CENPT: variants seen among roughly 807,000 people sequenced by gnomAD.
CENPT encodes centromere protein T, also known as interphase centromere complex protein 22.
CENPT carries 42 observed loss-of-function variants against 59.7 expected under a neutral mutation model. That is an observed-to-expected ratio of 0.70 (90% CI 0.55 to 0.91). The LOEUF is 0.91. CENPT is among the 40% of genes least tolerant of loss of function. The pLI, the probability that CENPT is intolerant of heterozygous loss-of-function variation, is 0.00. For synonymous variants in CENPT, 295 were observed against 289.6 expected, an observed-to-expected ratio of 1.02 and a Z score of -0.19; for missense variants, 716 against 713.4, an observed-to-expected ratio of 1.00 and a Z score of -0.04.
chr16:67,831,485 G>GT lies in CENPT; in HGVS notation c.560+90dup. Reference sequence around the variant, plus strand: ...GCTGTGAGGCTAAAACTGGTAGGAAGTAGTATGGGCAGATTCCATCCCAGG... The same window carrying GT: ...GCTGTGAGGCTAAAACTGGTAGGAAGTTAGTATGGGCAGATTCCATCCCAGG... On this transcript the variant is annotated intron_variant, in intron 9 of 15. Transcript: ENST00000562787. The GT allele has an allele frequency of 1.9e-6, 3 of 1,574,030 alleles. No homozygotes were observed. The Admixed American group carries it at 5.2e-5, about 27-fold the overall frequency.
chr16:67,840,529 G>A (rs1188616161), intron 1 of CENPT, among the ~76,000 whole-genome samples: 1 of 146,444 alleles, frequency 6.8e-6, no homozygotes, highest in Admixed American at 6.9e-5. Context: ...ACAAGTGTGA[G>A]TTAAATGATG....
At chr16:67,839,386 AAAAAAAAAAAAAAACC>A (rs2057749311) in intron 1 of CENPT, among the ~76,000 whole-genome samples, 1 of 151,024 alleles carries the variant, frequency 6.6e-6, no homozygotes, top group Non-Finnish European at 1.5e-5. Flanking sequence ...CACCTCAAAA[AAAAAAAAAAAAAAACC>A]AAAAAAAATT....
chr16:67,833,167 G>A (rs1448739151), intron 4 of CENPT, among the ~76,000 whole-genome samples: 1 of 152,180 alleles, frequency 6.6e-6, no homozygotes, highest in Non-Finnish European at 1.5e-5. Context: ...CACTCCCACT[G>A]ACTCAGGCCA....
At chr16:67,845,266 C>T (rs2057789660) in intron 1 of CENPT, among the ~76,000 whole-genome samples, 1 of 152,208 alleles carries the variant, frequency 6.6e-6, no homozygotes, top group Admixed American at 6.5e-5. Context: ...TGACTCCCTT[C>T]TCTTTCTTAC....
intron 4 of CENPT, among the ~76,000 whole-genome samples, chr16:67,833,388 A>T (rs1226782493): frequency 6.6e-6 from 1 of 152,204 alleles, no homozygotes; most frequent in Non-Finnish European, 1.5e-5. Context: ...TAGAGAACAG[A>T]GCAGAAGGTG....
Position 67,828,362 on chromosome 16 carries a change from G to A in CENPT, c.1591C>T (p.Leu531=), listed in dbSNP as rs767677599. The A allele has an allele frequency of 1.2e-6, 2 of 1,610,278 alleles. No homozygotes were observed. Among genetic ancestry groups the A allele is most frequent in the South Asian group, 1.1e-5 (1 of 90,886 alleles). The change falls in exon 16 of 16, where the codon CTG becomes TTG. Residue 531 remains leucine (L), a synonymous_variant. Coordinates refer to ENST00000562787, the MANE Select transcript of CENPT (RefSeq NM_025082.4). ...RQGLVTDQVS[L]HVLVERHLPL... is the part of the protein sequence containing the mutation. Reference sequence around the variant, plus strand: ...AGGTGCCGCTCCACTAGCACGTGCAGTGAGACTTGGTCAGTGACCAGGCCC... The same window carrying A: ...AGGTGCCGCTCCACTAGCACGTGCAATGAGACTTGGTCAGTGACCAGGCCC...
At position 67,842,983 on chromosome 16, in the gene CENPT, C is replaced by T. The variant is rs746485435; in HGVS notation, c.-492+4418G>A. ...CCTCTGCCTCCACTGCCCAGACTGC[C>T]CAGCTGCAGCCGAACCTGGTATCTG... is the stretch of plus-strand genomic sequence containing the variant. On this transcript the variant is annotated intron_variant, in intron 1 of 15. Coordinates refer to ENST00000562787, the MANE Select transcript of CENPT (RefSeq NM_025082.4). The surrounding 1 kb of genome is among the most constrained non-coding windows in gnomAD (Gnocchi z 4.9). The T allele has an allele frequency of 6.2e-7, 1 of 1,612,234 alleles. No individual in the cohort carries two copies. Among genetic ancestry groups the T allele is most frequent in the Non-Finnish European group, 8.5e-7 (1 of 1,179,966 alleles).
intron 1 of CENPT, among the ~76,000 whole-genome samples, chr16:67,840,934 C>A (rs1311188779): frequency 6.7e-6 from 1 of 150,108 alleles, no homozygotes; most frequent in Non-Finnish European, 1.5e-5. Flanking sequence ...CCGAGGCGAG[C>A]AGATTGCCTG....
In CENPT at chr16:67,829,760, C is replaced by A; in HGVS notation, c.1186+5G>T. ...ACCAGTCACTCCCTGCACTGGGCCT[C>A]TTACCTGCCCTGCCAGAGGCATCCT... On this transcript the variant is annotated splice_donor_5th_base_variant and intron_variant, in intron 12 of 15. Transcript: ENST00000562787. The A allele has an allele frequency of 6.2e-7, 1 of 1,613,562 alleles. No homozygotes were observed. Among genetic ancestry groups the A allele is most frequent in the Non-Finnish European group, 8.5e-7 (1 of 1,179,622 alleles).
At chr16:67,839,784 G>A (rs2057751133) in intron 1 of CENPT, among the ~76,000 whole-genome samples, 1 of 152,068 alleles carries the variant, frequency 6.6e-6, no homozygotes, top group Non-Finnish European at 1.5e-5. Flanking sequence ...TGAGGCAGGA[G>A]AATCTCTTGA....
intron 1 of CENPT, among the ~76,000 whole-genome samples, chr16:67,845,663 C>T (rs919450776): frequency 2.0e-5 from 3 of 152,228 alleles, no homozygotes; most frequent in African/African-American, 7.2e-5. Flanking sequence ...AGCAGTACTC[C>T]CTGGACCCTC....
intron 12 of CENPT, 74 bp from the exon 13 acceptor site, chr16:67,829,590 T>C: frequency 7.0e-7 from 1 of 1,436,334 alleles, no homozygotes; most frequent in Non-Finnish European, 9.5e-7. Flanking sequence ...AGCCACAGTA[T>C]TTCTGTCCTG....
chr16:67,844,210 T>C (rs910130125), intron 1 of CENPT: 2 of 166,468 alleles, frequency 1.2e-5, no homozygotes, highest in African/African-American at 4.8e-5. Context: ...GGTCTCGCCA[T>C]TTTATTTTTA....
intron 1 of CENPT, 134 bp downstream of exon 1, chr16:67,847,266 CT>C: frequency 6.6e-6 from 1 of 152,394 alleles, no homozygotes; most frequent in East Asian, 1.9e-4. Context: ...ATGGCCAGGC[CT>C]TTTTCTCTAG....
intron 1 of CENPT, among the ~76,000 whole-genome samples, chr16:67,844,389 G>A (rs1033428084): frequency 2.6e-5 from 4 of 152,152 alleles, no homozygotes; most frequent in Non-Finnish European, 5.9e-5. Flanking sequence ...TCCTGGCCCA[G>A]CTCACCCTAA....
intron 1 of CENPT, chr16:67,846,753 C>G (rs1393571181): frequency 1.3e-5 from 2 of 152,588 alleles, no homozygotes; most frequent in Admixed American, 1.3e-4. Flanking sequence ...GGCAGCCTCC[C>G]TCCCTGGCTT....
intron 1 of CENPT, among the ~76,000 whole-genome samples, chr16:67,840,816 C>A (rs2057756055): frequency 6.6e-6 from 1 of 151,742 alleles, no homozygotes; most frequent in Non-Finnish European, 1.5e-5. Flanking sequence ...TGGAGAACTG[C>A]CTGGCCCCTC....
intron 12 of CENPT, 52 bp from the exon 13 acceptor site, chr16:67,829,568 C>T: frequency 2.0e-6 from 3 of 1,500,022 alleles, no homozygotes; most frequent in Non-Finnish European, 2.7e-6. Context: ...ACCATCTCAC[C>T]CAGGCCAGCA....
intron 1 of CENPT, among the ~76,000 whole-genome samples, chr16:67,836,727 C>A (rs191311291): frequency 1.3e-4 from 20 of 152,210 alleles, no homozygotes; most frequent in African/African-American, 4.8e-4. Flanking sequence ...GCATGTGCCA[C>A]CACGCATGGC....
Sources: allele counts gnomAD v4.1 joint callset (sites outside exome capture counted in the v4.1 genomes callset), GRCh38; gene constraint gnomAD v4.1.1; non-coding constraint Gnocchi (gnomAD v3.1); transcripts MANE v1.5; gene names NCBI Gene and HGNC (gene_info 2026-07-23, HGNC 2026-07-21).